RALYL: variants seen among roughly 807,000 people sequenced by gnomAD.
RALYL encodes the protein RALY RNA binding protein like.
In RALYL, 29 loss-of-function variants were observed where a neutral mutation model predicts 35.1. The ratio of observed to expected loss-of-function variants is 0.83; its 90% CI spans 0.61 to 1.13. The LOEUF (loss-of-function observed/expected upper bound fraction) is 1.13. Among genes scored for constraint, RALYL ranks in the 50% most tolerant of loss-of-function variants. The pLI is 0.00. For missense variants in RALYL, 359 were observed against 360.4 expected (o/e 1.00, Z 0.03); for synonymous variants, 120 against 127.6 (o/e 0.94, Z 0.40).
At chr8:84,674,225 G>C (rs1297177999) in intron 2 of RALYL, among the ~76,000 whole-genome samples, 1 of 152,074 alleles carries the variant, frequency 6.6e-6, no homozygotes, top group Non-Finnish European at 1.5e-5. Context: ...CATTGATTTT[G>C]TATCCTGAGA....
intron 8 of RALYL, among the ~76,000 whole-genome samples, chr8:84,899,053 G>GGGTT (rs1347900376): frequency 6.6e-6 from 1 of 152,140 alleles, no homozygotes; most frequent in Admixed American, 6.6e-5. Context: ...GAGGGATGTT[G>GGGTT]GGTTACCTGA....
chr8:84,468,723 A>G (rs1036033179), intron 1 of RALYL, among the ~76,000 whole-genome samples: 10 of 150,876 alleles, frequency 6.6e-5, no homozygotes, highest in Admixed American at 3.3e-4. Flanking sequence ...CTCCTGGATA[A>G]TATCCTGCAG....
chr8:84,285,613 A>G (rs1325523903), intron 1 of RALYL, among the ~76,000 whole-genome samples: 3 of 152,116 alleles, frequency 2.0e-5, no homozygotes, highest in Admixed American at 6.6e-5. Flanking sequence ...ACATTTGATA[A>G]AGGTTTGGAG....
chr8:84,756,174 A>G (rs1811371734), intron 2 of RALYL, among the ~76,000 whole-genome samples: 1 of 152,046 alleles, frequency 6.6e-6, no homozygotes, highest in African/African-American at 2.4e-5. Flanking sequence ...CCCCAAAAAA[A>G]CCAATAAGAT....
At chr8:84,544,995 T>A (rs1359174391) in intron 2 of RALYL, among the ~76,000 whole-genome samples, 3 of 152,048 alleles carry the variant, frequency 2.0e-5, no homozygotes, top group Non-Finnish European at 4.4e-5. Flanking sequence ...TCACTGTTGC[T>A]CCTTGAATCA....
chr8:84,407,881 T>A (rs905763806), intron 1 of RALYL, among the ~76,000 whole-genome samples: 1 of 152,074 alleles, frequency 6.6e-6, no homozygotes, highest in Non-Finnish European at 1.5e-5. Context: ...AACACTCTAA[T>A]TATCATTATA....
chr8:84,292,065 A>C (rs116936339), intron 1 of RALYL, among the ~76,000 whole-genome samples: 4,102 of 152,068 alleles, frequency 0.027, 102 homozygotes, highest in Non-Finnish European at 0.031. Flanking sequence ...ATAAAAAGTC[A>C]GGCTTGCTGA....
intron 2 of RALYL, among the ~76,000 whole-genome samples, chr8:84,705,003 A>T (rs1209486616): frequency 6.6e-6 from 1 of 152,164 alleles, no homozygotes; most frequent in Non-Finnish European, 1.5e-5. Context: ...TATGACATAG[A>T]AATTTTTCAC....
chr8:84,599,495 T>C (rs963081481), intron 2 of RALYL, among the ~76,000 whole-genome samples: 3 of 152,046 alleles, frequency 2.0e-5, no homozygotes, highest in Non-Finnish European at 4.4e-5. Context: ...TAGAAGTTAG[T>C]AGAATAACTG....
chr8:84,472,154 T>C (rs2052853501), intron 1 of RALYL, among the ~76,000 whole-genome samples: 1 of 152,224 alleles, frequency 6.6e-6, no homozygotes, highest in South Asian at 2.1e-4. Context: ...TCAAATACCA[T>C]TTGTAAAATA....
chr8:84,315,821 A>G (rs1206985693), intron 1 of RALYL, among the ~76,000 whole-genome samples: 1 of 143,832 alleles, frequency 7.0e-6, no homozygotes, highest in Non-Finnish European at 1.6e-5. Context: ...ACTGCCTGAA[A>G]AAAAAAAAAA....
chr8:84,217,930 C>G (rs933860214), intron 1 of RALYL, among the ~76,000 whole-genome samples: 1 of 152,070 alleles, frequency 6.6e-6, no homozygotes, highest in Non-Finnish European at 1.5e-5. Context: ...TGGCTATTAT[C>G]AAGCTCATTA....
At chr8:84,727,497 G>A (rs1217561350) in intron 2 of RALYL, among the ~76,000 whole-genome samples, 2 of 151,388 alleles carry the variant, frequency 1.3e-5, no homozygotes, top group Non-Finnish European at 2.9e-5. Context: ...TATATTTCAA[G>A]TTTTAGGGTA....
At chr8:84,468,998 C>T (rs941548090) in intron 1 of RALYL, among the ~76,000 whole-genome samples, 3 of 151,494 alleles carry the variant, frequency 2.0e-5, no homozygotes, top group African/African-American at 7.3e-5. Flanking sequence ...GCTCCATCAG[C>T]TCCTTTAAGC....
chr8:84,619,147 C>T (rs950474995), intron 2 of RALYL, among the ~76,000 whole-genome samples: 1 of 151,384 alleles, frequency 6.6e-6, no homozygotes, highest in Non-Finnish European at 1.5e-5. Flanking sequence ...CCTGGGTATC[C>T]TTGTTGACTT....
intron 1 of RALYL, among the ~76,000 whole-genome samples, chr8:84,349,094 T>C (rs1850373963): frequency 2.7e-5 from 4 of 150,160 alleles, no homozygotes; most frequent in Non-Finnish European, 5.9e-5. Context: ...GGAACAGCCA[T>C]TCAGAGGCAA....
intron 1 of RALYL, among the ~76,000 whole-genome samples, chr8:84,523,666 TC>T (rs898040314): frequency 4.6e-5 from 2 of 43,436 alleles, no homozygotes; most frequent in African/African-American, 9.2e-5. Flanking sequence ...CCCTCCCCCC[TC>T]CCCCCACCCC....
intron 1 of RALYL, among the ~76,000 whole-genome samples, chr8:84,215,347 A>G (rs1459422266): frequency 6.6e-6 from 1 of 152,118 alleles, no homozygotes; most frequent in Non-Finnish European, 1.5e-5. Context: ...TGAAATGGCC[A>G]TCAGCACTAA....
intron 2 of RALYL, among the ~76,000 whole-genome samples, chr8:84,767,268 C>T (rs1814322211): frequency 6.6e-6 from 1 of 152,066 alleles, no homozygotes; most frequent in African/African-American, 2.4e-5. Context: ...TTTTCAGTTC[C>T]ATAAGTTTAT....
Sources: gnomAD v4.1 joint callset for allele counts (sites outside exome capture counted in the v4.1 genomes callset) on GRCh38, gnomAD v4.1.1 for gene constraint, MANE v1.5 for transcripts, NCBI Gene and HGNC (gene_info 2026-07-23, HGNC 2026-07-21) for gene names.